ABCA4: variants seen among roughly 807,000 people sequenced by gnomAD.
ABCA4 encodes the protein ATP binding cassette subfamily A member 4.
A neutral mutation model predicts 263.7 loss-of-function variants in ABCA4; 196 were observed. The observed-to-expected ratio is 0.74, with a 90% confidence interval of 0.66 to 0.84. ABCA4 has a LOEUF of 0.84. Among genes scored for constraint, ABCA4 ranks in the 40% least tolerant of loss-of-function variants. ABCA4 has a pLI of 0.00. For synonymous variants in ABCA4, 1,133 were observed against 1,094.2 expected (o/e 1.04, Z -0.70); for missense variants, 2,792 against 2,855.1 (o/e 0.98, Z 0.50).
chr1:94,020,380 TGTCCACCTGC>T (rs1266406945), intron 35 of ABCA4, among the ~76,000 whole-genome samples: 3 of 152,322 alleles, frequency 2.0e-5, no homozygotes, highest in Non-Finnish European at 4.4e-5. Flanking sequence ...CATGGGACAG[TGTCCACCTGC>T]AGAAAAGAGC....
intron 14 of ABCA4, among the ~76,000 whole-genome samples, chr1:94,058,558 C>T (rs1387745152): frequency 2.0e-5 from 3 of 152,160 alleles, no homozygotes; most frequent in Non-Finnish European, 2.9e-5. Flanking sequence ...GGCAGGGTTT[C>T]GCCATGTTGG....
intron 19 of ABCA4, chr1:94,045,773 C>G: frequency 2.2e-6 from 1 of 456,300 alleles, no homozygotes; most frequent in Non-Finnish European, 4.4e-6. Context: ...CCCTAGAGAA[C>G]ATTCCATCAC....
chr1:94,059,353 G>A (rs1260062157), intron 14 of ABCA4: 1 of 152,236 alleles, frequency 6.6e-6, no homozygotes, highest in Non-Finnish European at 1.5e-5. Flanking sequence ...GGTGGGGTCA[G>A]GTTGTTTGAG....
chr1:94,023,172 C>T (rs567255625), intron 32 of ABCA4, among the ~76,000 whole-genome samples: 3 of 152,186 alleles, frequency 2.0e-5, no homozygotes, highest in South Asian at 2.1e-4. Flanking sequence ...GGAATGCCAC[C>T]CCCACTTATG....
rs574741 is a variant in ABCA4, at chr1:94,083,527, T to C, written c.769-86A>G. 784,217 of 1,028,820 alleles carry C rather than the reference T, an allele frequency of 0.76. 300,029 individuals carry two copies. Among genetic ancestry groups the C allele is most frequent in the East Asian group, 0.85 (35,049 of 41,474 alleles). 63.7% of individuals were successfully genotyped at this position (1,028,820 alleles called of 1,614,324 possible). On this transcript the variant is annotated intron_variant, in intron 6 of 49. Coordinates refer to ENST00000370225, the MANE Select transcript of ABCA4 (RefSeq NM_000350.3). ...TAGGCACAGTCTGATCTCCTATATG[T>C]TTGAAAACTCCCCCCCTCCTTCTTT...
chr1:94,103,290 G>A, intron 4 of ABCA4, 148 bp from the exon 5 acceptor site: 1 of 999,050 alleles, frequency 1.0e-6, no homozygotes, highest in Non-Finnish European at 1.5e-6. Flanking sequence ...TAGAGGTGAG[G>A]CTCTTGCCAG....
Position 94,046,455 on chromosome 1 carries a change from CAA to C in ABCA4, c.2918+462_2918+463del, listed in dbSNP as rs61333901. Among the ~76,000 whole-genome samples, 32 of 42,248 alleles carry C rather than the reference CAA, an allele frequency of 7.6e-4. No homozygotes were observed. In the East Asian group the frequency reaches 8.6e-3, roughly 11 times the overall value. The allele number at this position is 42,248 out of a possible 152,430, so 27.7% of individuals were successfully genotyped here. A position where few individuals can be genotyped will look rare whatever the true frequency, so the allele number is the denominator to read the frequency against. ...CCAGCATGGGTAATGGTTACTATCT[CAA>C]AAAAAAAAAAAAAAAAAAAGAAAAG... On this transcript the variant is annotated intron_variant, in intron 19 of 49. Transcript: ENST00000370225.
intron 24 of ABCA4, 84 bp from the exon 25 acceptor site, chr1:94,037,434 C>T: frequency 8.1e-7 from 1 of 1,235,566 alleles, no homozygotes; most frequent in Non-Finnish European, 1.2e-6. Context: ...CTACTTCTCT[C>T]CACTTCCCCT....
rs1197672079 is a variant in ABCA4 at position 94,055,104 on chromosome 1, T to C, written c.2587+7A>G. On this transcript the variant is annotated splice_region_variant and intron_variant, in intron 16 of 49. Coordinates refer to ENST00000370225, the MANE Select transcript of ABCA4 (RefSeq NM_000350.3). ...ATTACCTTTACCCTATAGAGGAGGATGCTTACCTGGAAACACCTGATCAAG... is the reference window on the plus strand; with the variant it reads ...ATTACCTTTACCCTATAGAGGAGGACGCTTACCTGGAAACACCTGATCAAG... 2.5e-6 allele frequency: 4 copies of C among 1,613,598 alleles called. No individual in the cohort carries two copies. Among genetic ancestry groups the C allele is most frequent in the Non-Finnish European group, 3.4e-6 (4 of 1,179,590 alleles).
intron 21 of ABCA4, 61 bp downstream of exon 21, chr1:94,043,275 G>A (rs182392577): frequency 1.3e-5 from 21 of 1,610,396 alleles, no homozygotes; most frequent in Middle Eastern, 3.4e-4. Flanking sequence ...CTGCCTCCTG[G>A]GTGCACTGGG....
Position 94,060,560 on chromosome 1 carries a change from A to G in ABCA4, c.2137T>C (p.Phe713Leu), listed in dbSNP as rs1239889663. ...ACCATGATGAATATCGTCAGGAGGA[A>G]GATGCTCATCGACATGATGGAGAAG... ...DSFSIMSMSI[F>L]LLTIFIMHGR... Residue 713 changes from phenylalanine (F) to leucine (L), a missense_variant, in exon 14 of 50, where the codon TTC becomes CTC. Transcript: ENST00000370225. 1.2e-6 allele frequency: 2 copies of G among 1,614,106 alleles called. No individual in the cohort carries two copies. Among genetic ancestry groups the G allele is most frequent in the East Asian group, 2.2e-5 (1 of 44,882 alleles).
At chr1:94,108,828 A>C in intron 3 of ABCA4, 112 bp from the exon 4 acceptor site, 1 of 1,327,868 alleles carries the variant, frequency 7.5e-7, no homozygotes, top group South Asian at 1.2e-5. Flanking sequence ...GCTGGAGTGC[A>C]GTGGCGTGAT....
At chr1:94,105,495 A>G (rs1662407522) in intron 4 of ABCA4, among the ~76,000 whole-genome samples, 1 of 152,176 alleles carries the variant, frequency 6.6e-6, no homozygotes, top group African/African-American at 2.4e-5. Context: ...GGCCGATACC[A>G]GACAGAAGCT....
Position 94,024,977 on chromosome 1 carries a change from C to T in ABCA4, c.4611G>A (p.Thr1537=), listed in dbSNP as rs138475920. The T allele has an allele frequency of 9.4e-4, 1,521 of 1,614,132 alleles. 5 individuals are homozygous for T. The highest frequency in any genetic ancestry group is 9.9e-4 in the Non-Finnish European group (1,172 of 1,179,980). Reference sequence around the variant, plus strand: ...ACCTGCTTCTTATAAGAGCAGGATACGTTTTTACCAAGAAGTCGGAGATGT... The same window carrying T: ...ACCTGCTTCTTATAAGAGCAGGATATGTTTTTACCAAGAAGTCGGAGATGT... The part of the protein sequence containing the change: ...DRNISDFLVK[T]YPALIRSSLK... The change falls in exon 31 of 50, where the codon ACG becomes ACA. Residue 1537 remains threonine (T), a synonymous_variant. Coordinates refer to ENST00000370225, the MANE Select transcript of ABCA4 (RefSeq NM_000350.3).
At chr1:94,083,530 G>T in intron 6 of ABCA4, 89 bp from the exon 7 acceptor site, 1 of 902,778 alleles carries the variant, frequency 1.1e-6, no homozygotes, top group Non-Finnish European at 1.8e-6. Context: ...CTATATGTTT[G>T]AAAACTCCCC....
At chr1:94,008,375 G>C in intron 41 of ABCA4, 78 bp from the exon 42 acceptor site, 2 of 1,427,058 alleles carry the variant, frequency 1.4e-6, no homozygotes, top group South Asian at 1.2e-5. Flanking sequence ...AAAGAGCAAA[G>C]GATGGTTTAG....
At chr1:94,024,339 G>A (rs1469524853) in intron 31 of ABCA4, among the ~76,000 whole-genome samples, 1 of 152,072 alleles carries the variant, frequency 6.6e-6, no homozygotes, top group African/African-American at 2.4e-5. Flanking sequence ...TCCTGGATGG[G>A]GCTGATAAGA....
chr1:94,046,903 C>T lies in ABCA4; in HGVS notation c.2918+16G>A. ...CAGGCTAGCATGGCAGCCAGCTTCT[C>T]TGCTGGAAGACTCACAAGGTGGTGG... is the stretch of plus-strand genomic sequence containing the variant. On this transcript the variant is annotated intron_variant, in intron 19 of 49. Transcript: ENST00000370225. The T allele has an allele frequency of 6.2e-7, 1 of 1,613,398 alleles. No homozygotes were observed. Among genetic ancestry groups the T allele is most frequent in the Non-Finnish European group, 8.5e-7 (1 of 1,179,514 alleles).
rs899456220 is a variant in ABCA4, at chr1:94,008,663, A to C, written c.5835+88T>G. The C allele has an allele frequency of 1.1e-5, 17 of 1,573,996 alleles. 1 individual carries two copies. In the Admixed American group the frequency reaches 2.8e-4, roughly 26 times the overall value. ...TGGGAACCAAATTGCTTGCATAAGC[A>C]TATCAATTGTTCTATAGAAGGAAAA... On this transcript the variant is annotated intron_variant, in intron 41 of 49. Transcript: ENST00000370225.
Sources: allele counts gnomAD v4.1 joint callset (sites outside exome capture counted in the v4.1 genomes callset), GRCh38; gene constraint gnomAD v4.1.1; transcripts MANE v1.5; gene names NCBI Gene and HGNC (gene_info 2026-07-23, HGNC 2026-07-21).